The following TRNAU1AP variants were observed in gnomAD, a reference collection of about 807,000 sequenced individuals.
TRNAU1AP encodes tRNA selenocysteine 1 associated protein 1, also known as tRNA selenocysteine 1-associated protein 1.
Under a neutral mutation model 43.3 loss-of-function variants are expected in TRNAU1AP, and 33 were observed. The observed-to-expected ratio is 0.76, with a 90% CI of 0.58 to 1.02. The LOEUF (loss-of-function observed/expected upper bound fraction) is 1.02. Ranked by LOEUF, TRNAU1AP falls within the 50% of genes least tolerant of loss-of-function variation. TRNAU1AP has a pLI of 0.00. For missense variants in TRNAU1AP, 290 were observed against 362.7 expected (o/e 0.80, Z 1.63); for synonymous variants, 143 against 129.1 (o/e 1.11, Z -0.73).
In TRNAU1AP at chr1:28,563,278, G is replaced by A. The variant is rs185805089; in HGVS notation, c.279-1425G>A. Among the ~76,000 whole-genome samples, 797 of 151,950 alleles carry A rather than the reference G, an allele frequency of 5.2e-3. 4 individuals are homozygous for A. Among genetic ancestry groups the A allele is most frequent in the Non-Finnish European group, 8.9e-3 (608 of 67,960 alleles). On this transcript the variant is annotated intron_variant, in intron 4 of 8. Transcript: ENST00000373830. ...ATAATAACAAAGGTAGGCCGGGTGC[G>A]GTGGCTCACGCCTGTAATCCCAGCA...
At chr1:28,558,552 C>A (rs1323007081) in intron 2 of TRNAU1AP, among the ~76,000 whole-genome samples, 2 of 146,750 alleles carry the variant, frequency 1.4e-5, no homozygotes, top group East Asian at 3.9e-4. Flanking sequence ...CACCACTACG[C>A]CCGACTAATT....
In TRNAU1AP at chr1:28,560,696, TAA is replaced by T; in HGVS notation, c.192_193del (p.Lys64AsnfsTer2). Reference protein sequence around the residue: ...DLATAEKCLHKINGKPLPGAT... With the variant: ...DLATAEKCLHXINGKPLPGAT... ...TGGCCACAGCTGAGAAGTGTTTGCA[TAA>T]AATTAATGGGAAACCCCTTCCAGGA... On this transcript the variant is annotated frameshift_variant, in exon 3 of 9. Coordinates refer to ENST00000373830, the MANE Select transcript of TRNAU1AP (RefSeq NM_017846.5). LOFTEE classifies it high-confidence loss of function. 1 of 1,614,154 alleles carries T rather than the reference TAA, an allele frequency of 6.2e-7. No homozygotes were observed. The highest frequency in any genetic ancestry group is 8.5e-7 in the Non-Finnish European group (1 of 1,180,014).
chr1:28,561,455 C>T, intron 4 of TRNAU1AP, 57 bp downstream of exon 4: 1 of 1,600,176 alleles, frequency 6.2e-7, no homozygotes, highest in Non-Finnish European at 8.6e-7. Context: ...CCTGTCACTG[C>T]CATATAGGAG....
intron 2 of TRNAU1AP, among the ~76,000 whole-genome samples, chr1:28,560,121 T>C (rs537996561): frequency 6.6e-6 from 1 of 152,054 alleles, no homozygotes; most frequent in South Asian, 2.1e-4. Flanking sequence ...AATAAATAAA[T>C]ACAGATAAAC....
chr1:28,573,304 C>T (rs772069467), intron 8 of TRNAU1AP, among the ~76,000 whole-genome samples: 2 of 146,972 alleles, frequency 1.4e-5, no homozygotes, highest in East Asian at 2.2e-4. Flanking sequence ...GCTGGGATTA[C>T]AGGGGTGAGC....
intron 5 of TRNAU1AP, among the ~76,000 whole-genome samples, chr1:28,566,766 A>G (rs1484256419): frequency 6.6e-6 from 1 of 151,830 alleles, no homozygotes; most frequent in Non-Finnish European, 1.5e-5. Flanking sequence ...TCTCAAAAAA[A>G]AAAAAAAAAA....
intron 6 of TRNAU1AP, among the ~76,000 whole-genome samples, chr1:28,567,656 T>C (rs929086225): frequency 1.3e-5 from 2 of 152,176 alleles, no homozygotes; most frequent in Non-Finnish European, 2.9e-5. Flanking sequence ...TATTCAGACA[T>C]TACTGGTGAC....
At position 28,557,292 on chromosome 1, in the gene TRNAU1AP, C is replaced by T. The variant is rs976967660; in HGVS notation, c.126-3341C>T. ...AAAATTAGCCAGGCATGGTGGCGGG[C>T]GCCTGTAGTCCCAGCTACTCGGGAG... On this transcript the variant is annotated intron_variant, in intron 2 of 8. Transcript: ENST00000373830. Among the ~76,000 whole-genome samples, 6 of 151,358 alleles carry T rather than the reference C, an allele frequency of 4.0e-5. No homozygotes were observed. In the East Asian group the frequency reaches 8.3e-4, roughly 21 times the overall value.
chr1:28,566,817 T>C (rs954425971), intron 5 of TRNAU1AP, among the ~76,000 whole-genome samples: 6 of 152,060 alleles, frequency 3.9e-5, no homozygotes, highest in Non-Finnish European at 7.3e-5. Context: ...GAAATAAATA[T>C]TTATTAAATG....
chr1:28,570,752 A>G (rs912240494), intron 6 of TRNAU1AP, among the ~76,000 whole-genome samples: 1 of 152,180 alleles, frequency 6.6e-6, no homozygotes, highest in African/African-American at 2.4e-5. Flanking sequence ...AATAGGAATA[A>G]TGATACACTT....
At chr1:28,557,367 C>T (rs898682922) in intron 2 of TRNAU1AP, among the ~76,000 whole-genome samples, 5 of 150,418 alleles carry the variant, frequency 3.3e-5, no homozygotes, top group South Asian at 2.1e-4. Context: ...TTGCAGCGAG[C>T]GGAGATCACA....
intron 8 of TRNAU1AP, among the ~76,000 whole-genome samples, chr1:28,576,625 G>C (rs577973314): frequency 6.9e-6 from 1 of 145,862 alleles, no homozygotes; most frequent in South Asian, 2.2e-4. Flanking sequence ...CCGAGACGGG[G>C]TTTTGCTCTT....
chr1:28,555,064 C>T lies in TRNAU1AP; in HGVS notation c.125+1327C>T, dbSNP rs149996051. Among the ~76,000 whole-genome samples, 824 of 151,414 alleles carry T rather than the reference C, an allele frequency of 5.4e-3. 6 individuals carry two copies. The highest frequency in any genetic ancestry group is 0.019 in the African/African-American group (777 of 41,252). ...ACCAGCCTGACCAACATGGAGAAACCCTGTCTCTACCAAAAATTAGCCAGG... is the reference window on the plus strand; with the variant it reads ...ACCAGCCTGACCAACATGGAGAAACTCTGTCTCTACCAAAAATTAGCCAGG... On this transcript the variant is annotated intron_variant, in intron 2 of 8. Transcript: ENST00000373830.
intron 4 of TRNAU1AP, among the ~76,000 whole-genome samples, chr1:28,563,600 C>A (rs1665463629): frequency 6.6e-6 from 1 of 151,904 alleles, no homozygotes; most frequent in South Asian, 2.1e-4. Flanking sequence ...AAGAGAATCG[C>A]TTGAACCTGA....
chr1:28,576,646 C>T (rs2124222727), intron 8 of TRNAU1AP, among the ~76,000 whole-genome samples: 1 of 152,080 alleles, frequency 6.6e-6, no homozygotes, highest in East Asian at 1.9e-4. Flanking sequence ...GTTGCCCAGG[C>T]TGGAATGCAG....
intron 5 of TRNAU1AP, among the ~76,000 whole-genome samples, chr1:28,566,075 G>A (rs552945790): frequency 2.6e-5 from 4 of 152,276 alleles, no homozygotes; most frequent in Non-Finnish European, 5.9e-5. Flanking sequence ...CCAGCGCTTC[G>A]GGAGACAGGC....
chr1:28,569,028 C>A (rs930482038), intron 6 of TRNAU1AP, among the ~76,000 whole-genome samples: 3 of 151,978 alleles, frequency 2.0e-5, no homozygotes, highest in Non-Finnish European at 2.9e-5. Flanking sequence ...TCAGGCTGGT[C>A]TTGAACTTCT....
At chr1:28,558,215 AT>A (rs1187371829) in intron 2 of TRNAU1AP, among the ~76,000 whole-genome samples, 11,571 of 110,468 alleles carry the variant, frequency 0.1, 1,048 homozygotes, top group African/African-American at 0.29. Context: ...TAATTTTTGT[AT>A]TTTTTTTTTT....
intron 2 of TRNAU1AP, among the ~76,000 whole-genome samples, chr1:28,557,675 A>G (rs910337463): frequency 6.6e-6 from 1 of 151,188 alleles, no homozygotes; most frequent in Non-Finnish European, 1.5e-5. Flanking sequence ...TGCAATCTGC[A>G]CCTCTCGGGT....
Sources: allele counts gnomAD v4.1 joint callset (sites outside exome capture counted in the v4.1 genomes callset), GRCh38; gene constraint gnomAD v4.1.1; transcripts MANE v1.5; gene names NCBI Gene and HGNC (gene_info 2026-07-23, HGNC 2026-07-21).